The following ULK4 variants were observed in gnomAD, a reference collection of about 807,000 sequenced individuals.
ULK4 encodes inactive serine/threonine-protein kinase ULK4.
Under a neutral mutation model 160.6 loss-of-function variants are expected in ULK4, and 133 were observed. That is an observed-to-expected ratio of 0.83 (90% CI 0.72 to 0.96). ULK4 has a LOEUF of 0.96. Ranked by LOEUF, ULK4 falls within the 40% of genes least tolerant of loss-of-function variation. ULK4 has a pLI of 0.00. For missense variants in ULK4, 1,580 were observed against 1,499.5 expected (o/e 1.05, Z -0.89); for synonymous variants, 534 against 539.8 (o/e 0.99, Z 0.15).
chr3:41,477,355 A>C (rs920693595), intron 32 of ULK4, among the ~76,000 whole-genome samples: 11 of 152,192 alleles, frequency 7.2e-5, no homozygotes, highest in African/African-American at 2.7e-4. Flanking sequence ...ATATACTTTG[A>C]ATTTCCAAGC....
chr3:41,417,102 T>C (rs1038525056), intron 34 of ULK4, among the ~76,000 whole-genome samples: 6 of 152,192 alleles, frequency 3.9e-5, no homozygotes, highest in Admixed American at 3.9e-4. Flanking sequence ...GCCCACTCTC[T>C]TCTGCCTCTA....
intron 29 of ULK4, among the ~76,000 whole-genome samples, chr3:41,680,895 G>C (rs974817233): frequency 1.3e-5 from 2 of 152,162 alleles, no homozygotes; most frequent in Non-Finnish European, 2.9e-5. Context: ...TGATAAAATT[G>C]ACAGTGTCCC....
chr3:41,809,267 A>T (rs979637571), intron 19 of ULK4, among the ~76,000 whole-genome samples: 2 of 151,776 alleles, frequency 1.3e-5, no homozygotes, highest in Admixed American at 1.3e-4. Flanking sequence ...TCCAGTATTT[A>T]TAGTTGCTTT....
intron 32 of ULK4, among the ~76,000 whole-genome samples, chr3:41,534,530 A>AAC (rs5848603): frequency 1.0e-3 from 154 of 150,870 alleles, no homozygotes; most frequent in Non-Finnish European, 1.9e-3. Context: ...AAAAAAAAAA[A>AAC]CTAAACTACA....
At chr3:41,920,693 T>A (rs980086624) in intron 5 of ULK4, among the ~76,000 whole-genome samples, 1 of 152,090 alleles carries the variant, frequency 6.6e-6, no homozygotes. Flanking sequence ...CTCCAATGAT[T>A]TGGAAACAAA....
chr3:41,615,547 G>C (rs1391667567), intron 31 of ULK4, 122 bp downstream of exon 31: 2 of 871,938 alleles, frequency 2.3e-6, no homozygotes, highest in Non-Finnish European at 3.6e-6. Flanking sequence ...TAAGTGTGAT[G>C]ATGATGGACG....
At chr3:41,830,063 G>A (rs377083861) in intron 18 of ULK4, among the ~76,000 whole-genome samples, 61 of 151,890 alleles carry the variant, frequency 4.0e-4, no homozygotes, top group African/African-American at 6.3e-4. Flanking sequence ...ACCAAACACC[G>A]CATGTTCTCA....
intron 32 of ULK4, among the ~76,000 whole-genome samples, chr3:41,549,227 A>C (rs1388514435): frequency 6.6e-6 from 1 of 152,234 alleles, no homozygotes; most frequent in Non-Finnish European, 1.5e-5. Flanking sequence ...ATTTGTGAAA[A>C]AGAATTGAAA....
chr3:41,492,183 A>C (rs1206637131), intron 32 of ULK4, among the ~76,000 whole-genome samples: 2 of 151,778 alleles, frequency 1.3e-5, no homozygotes, highest in East Asian at 3.8e-4. Flanking sequence ...ATACTGCCGC[A>C]ATAAACATAC....
intron 35 of ULK4, among the ~76,000 whole-genome samples, chr3:41,319,127 G>A (rs1476077192): frequency 6.6e-6 from 1 of 152,184 alleles, no homozygotes; most frequent in Admixed American, 6.5e-5. Context: ...ATTAAAGGTA[G>A]TGCAACACAT....
chr3:41,431,824 C>G (rs2082918207), intron 34 of ULK4, among the ~76,000 whole-genome samples: 1 of 140,880 alleles, frequency 7.1e-6, no homozygotes, highest in Non-Finnish European at 1.5e-5. Context: ...GAGTCCTGCT[C>G]TGTCACCCAG....
chr3:41,935,889 A>T lies in ULK4; in HGVS notation c.290T>A (p.Val97Asp), dbSNP rs1340091450. 6.2e-7 allele frequency: 1 copy of T among 1,613,994 alleles called. No individual in the cohort carries two copies. The highest frequency in any genetic ancestry group is 2.2e-5 in the East Asian group (1 of 44,868). The change falls in exon 4 of 37, where the codon GTT (valine) becomes GAT (aspartate). Residue 97 changes from valine (V) to aspartate (D), a missense_variant. Val to Asp is a radical substitution (Grantham distance 152, BLOSUM62 -3). Transcript: ENST00000301831. ...IAQDENLPED[V>D]VREFGIDLIS... ...CAGGTCAATTCCAAATTCTCTCACA[A>T]CATCTTCTGGGAGGTTTTCATCTTG...
At chr3:41,668,310 C>T (rs559697146) in intron 29 of ULK4, among the ~76,000 whole-genome samples, 3 of 152,258 alleles carry the variant, frequency 2.0e-5, no homozygotes, top group African/African-American at 7.2e-5. Context: ...ATAATTATTA[C>T]ATATAAAGAA....
At chr3:41,828,432 A>G (rs2041450681) in intron 18 of ULK4, among the ~76,000 whole-genome samples, 1 of 147,448 alleles carries the variant, frequency 6.8e-6, no homozygotes, top group South Asian at 2.1e-4. Flanking sequence ...CCTTAAGCTG[A>G]TAAGCAACTT....
At chr3:41,428,349 A>G (rs180977492) in intron 34 of ULK4, among the ~76,000 whole-genome samples, 2 of 152,332 alleles carry the variant, frequency 1.3e-5, no homozygotes, top group Admixed American at 1.3e-4. Flanking sequence ...TGCGCAAAGT[A>G]ATTTACAGAT....
chr3:41,839,421 T>A (rs1208523366), intron 17 of ULK4, among the ~76,000 whole-genome samples: 1 of 149,090 alleles, frequency 6.7e-6, no homozygotes, highest in Admixed American at 6.7e-5. Flanking sequence ...ATATAATATA[T>A]ACATATAATA....
intron 35 of ULK4, among the ~76,000 whole-genome samples, chr3:41,289,194 T>C (rs563541957): frequency 1.3e-5 from 2 of 152,352 alleles, no homozygotes; most frequent in African/African-American, 4.8e-5. Flanking sequence ...TTATGGCAAT[T>C]ATAAACCACA....
Position 41,900,728 on chromosome 3 carries a change from T to C in ULK4, c.1284A>G (p.Pro428=). The C allele has an allele frequency of 9.3e-6, 15 of 1,613,066 alleles. No homozygotes were observed. Among genetic ancestry groups the C allele is most frequent in the Non-Finnish European group, 1.3e-5 (15 of 1,179,416 alleles). The change falls in exon 13 of 37, where the codon CCA becomes CCG. Residue 428 remains proline, a synonymous_variant. Coordinates refer to ENST00000301831, the MANE Select transcript of ULK4 (RefSeq NM_017886.4). Reference sequence around the variant, plus strand: ...TTGTTAGAGTGTCTTTCTGCACCTTTGGATTGTCGATAATGGGGGTGACAA... The same window carrying C: ...TTGTTAGAGTGTCTTTCTGCACCTTCGGATTGTCGATAATGGGGGTGACAA... ...DLVVTPIIDN[P]KIMKQPPVKF...
chr3:41,571,065 C>T (rs1170013861), intron 31 of ULK4, among the ~76,000 whole-genome samples: 1 of 152,208 alleles, frequency 6.6e-6, no homozygotes, highest in Admixed American at 6.5e-5. Flanking sequence ...TTATTAAAAA[C>T]ACTGTTTTCT....
Sources: gnomAD v4.1 joint callset for allele counts (sites outside exome capture counted in the v4.1 genomes callset) on GRCh38, gnomAD v4.1.1 for gene constraint, MANE v1.5 for transcripts, NCBI Gene and HGNC (gene_info 2026-07-23, HGNC 2026-07-21) for gene names.